The following VPS53 variants were observed in gnomAD, a reference collection of about 807,000 sequenced individuals.
VPS53 encodes the protein vacuolar protein sorting-associated protein 53 homolog.
VPS53 carries 70 observed loss-of-function variants against 107.0 expected under a neutral mutation model. The ratio of observed to expected loss-of-function variants is 0.65; its 90% CI spans 0.54 to 0.80. The LOEUF is 0.80. Among genes scored for constraint, VPS53 ranks in the 30% least tolerant of loss-of-function variants. The pLI is 0.00. For missense variants in VPS53, 917 were observed against 1,049.4 expected (o/e 0.87, Z 1.74); for synonymous variants, 409 against 393.3 (o/e 1.04, Z -0.47).
chr17:555,411 C>A (rs1223275212), intron 15 of VPS53, among the ~76,000 whole-genome samples: 1 of 152,134 alleles, frequency 6.6e-6, no homozygotes, highest in East Asian at 1.9e-4. Flanking sequence ...GTTGGCCATG[C>A]TGGTCTCAAA....
At chr17:710,508 G>A in intron 2 of VPS53, 25 bp downstream of exon 2, 1 of 1,593,324 alleles carries the variant, frequency 6.3e-7, no homozygotes. Flanking sequence ...CTGCTGAAAG[G>A]AAGGAAACCT....
chr17:543,732 T>C (rs900454436), intron 17 of VPS53, among the ~76,000 whole-genome samples: 1 of 149,464 alleles, frequency 6.7e-6, no homozygotes, highest in African/African-American at 2.5e-5. Flanking sequence ...CTAGTTTTAC[T>C]TCTAGCTTCA....
At chr17:599,053 G>A (rs1305661315) in intron 12 of VPS53, among the ~76,000 whole-genome samples, 1 of 122,154 alleles carries the variant, frequency 8.2e-6, no homozygotes, top group South Asian at 2.9e-4. Context: ...GGTGAGGGGC[G>A]CCTCTGCCCA....
chr17:523,727 G>C (rs569284474), intron 19 of VPS53, among the ~76,000 whole-genome samples: 2 of 152,314 alleles, frequency 1.3e-5, no homozygotes, highest in East Asian at 3.9e-4. Flanking sequence ...CCAGCAAAGT[G>C]CAGGGCATTT....
intron 4 of VPS53, among the ~76,000 whole-genome samples, chr17:686,527 G>A (rs1474691409): frequency 1.3e-5 from 2 of 152,200 alleles, no homozygotes; most frequent in African/African-American, 2.4e-5. Flanking sequence ...ATGAACCTTT[G>A]ACCACCACTG....
intron 6 of VPS53, among the ~76,000 whole-genome samples, chr17:655,143 AGG>A (rs1971134729): frequency 6.6e-6 from 1 of 152,210 alleles, no homozygotes; most frequent in Non-Finnish European, 1.5e-5. Context: ...AGGCTGGAGC[AGG>A]GGGAGTCCCC....
At chr17:575,910 C>T (rs1567641126) in intron 13 of VPS53, among the ~76,000 whole-genome samples, 2 of 148,384 alleles carry the variant, frequency 1.3e-5, no homozygotes, top group South Asian at 2.2e-4. Flanking sequence ...CTCCCTGAGA[C>T]CCTAATGCGT....
intron 13 of VPS53, among the ~76,000 whole-genome samples, chr17:581,779 C>G (rs547965056): frequency 6.6e-6 from 1 of 151,924 alleles, no homozygotes; most frequent in Non-Finnish European, 1.5e-5. Context: ...TAATGCGTTC[C>G]CACAGAAATT....
chr17:642,326 G>A (rs1415192981), intron 7 of VPS53, among the ~76,000 whole-genome samples: 1 of 151,940 alleles, frequency 6.6e-6, no homozygotes, highest in Non-Finnish European at 1.5e-5. Context: ...CTTGGAAAGC[G>A]AGGACAACAC....
intron 7 of VPS53, among the ~76,000 whole-genome samples, chr17:645,881 G>A (rs1335774766): frequency 7.9e-6 from 1 of 127,066 alleles, no homozygotes; most frequent in African/African-American, 2.7e-5. Context: ...TGACCGCGTG[G>A]TCTCTGCCTG....
chr17:580,040 A>C (rs1966909291), intron 13 of VPS53, among the ~76,000 whole-genome samples: 1 of 151,576 alleles, frequency 6.6e-6, no homozygotes, highest in South Asian at 2.1e-4. Context: ...TCAGAACCTC[A>C]GTGCATTACC....
intron 11 of VPS53, among the ~76,000 whole-genome samples, chr17:610,586 G>A (rs2143012708): frequency 6.6e-6 from 1 of 151,904 alleles, no homozygotes; most frequent in East Asian, 1.9e-4. Flanking sequence ...GAAAACATTG[G>A]CAAATCATAT....
chr17:627,099 T>G lies in VPS53; in HGVS notation c.974+75A>C, dbSNP rs16954064. Reference sequence around the variant, plus strand: ...GTGGCATCAAATCCACAGGACAACATGGAACCATTAGAGACTGGGGAACCG... The same window carrying G: ...GTGGCATCAAATCCACAGGACAACAGGGAACCATTAGAGACTGGGGAACCG... On this transcript the variant is annotated intron_variant, in intron 10 of 21. Transcript: ENST00000437048. 3.9e-6 allele frequency: 6 copies of G among 1,543,808 alleles called. No homozygotes were observed. The Admixed American group carries it at 1.1e-4, about 30-fold the overall frequency.
intron 5 of VPS53, among the ~76,000 whole-genome samples, chr17:660,126 T>C (rs970470982): frequency 2.0e-5 from 3 of 152,116 alleles, no homozygotes; most frequent in Non-Finnish European, 4.4e-5. Context: ...GAGCATGAAA[T>C]GGGAGGTTGT....
intron 7 of VPS53, among the ~76,000 whole-genome samples, chr17:635,494 T>A (rs969548330): frequency 2.6e-5 from 4 of 152,242 alleles, no homozygotes; most frequent in African/African-American, 9.6e-5. Flanking sequence ...TGAATGGTAT[T>A]GCCTAGGTTT....
chr17:654,667 G>A (rs12453735), intron 6 of VPS53, among the ~76,000 whole-genome samples: 34,768 of 149,528 alleles, frequency 0.23, 4,254 homozygotes, highest in Admixed American at 0.32. Flanking sequence ...AACCCGGGAG[G>A]CGGAGCTTGC....
chr17:668,379 C>T (rs1476965559), intron 4 of VPS53, among the ~76,000 whole-genome samples: 1 of 152,166 alleles, frequency 6.6e-6, no homozygotes, highest in Non-Finnish European at 1.5e-5. Context: ...AGTGCTGGTG[C>T]TGAGGCTACC....
chr17:611,627 A>G (rs540111168), intron 11 of VPS53, among the ~76,000 whole-genome samples: 9 of 152,404 alleles, frequency 5.9e-5, no homozygotes, highest in African/African-American at 2.2e-4. Context: ...GAAAACCTGT[A>G]CAAATATTCA....
rs11558129 is a variant in VPS53 at position 714,629 on chromosome 17, G to A, written c.81C>T (p.Ile27=). The change falls in exon 1 of 22, where the codon ATC becomes ATT. Residue 27 remains isoleucine (I), a synonymous_variant. Coordinates refer to ENST00000437048, the MANE Select transcript of VPS53 (RefSeq NM_001128159.3). ...LQLTPEVQLA[I]EQVFPSQDPL... ...TGAGGGGCGGAACGCTTACCTGCTC[G>A]ATGGCCAGCTGCACCTCGGGCGTGA... The A allele has an allele frequency of 0.22, 361,402 of 1,611,150 alleles. 43,489 individuals carry two copies. Among genetic ancestry groups the A allele is most frequent in the Middle Eastern group, 0.28 (1,709 of 6,054 alleles).
Sources: allele counts gnomAD v4.1 joint callset (sites outside exome capture counted in the v4.1 genomes callset), GRCh38; gene constraint gnomAD v4.1.1; transcripts MANE v1.5; gene names NCBI Gene and HGNC (gene_info 2026-07-23, HGNC 2026-07-21).